CTNNA2: variants seen among roughly 807,000 people sequenced by gnomAD.
CTNNA2 encodes catenin alpha-2.
In CTNNA2, 42 loss-of-function variants were observed where a neutral mutation model predicts 101.0. The ratio of observed to expected loss-of-function variants is 0.42; its 90% CI spans 0.32 to 0.54. The LOEUF (loss-of-function observed/expected upper bound fraction) is 0.54. Among genes scored for constraint, CTNNA2 ranks in the 20% least tolerant of loss-of-function variants. CTNNA2 has a pLI of 0.14. For synonymous variants in CTNNA2, 450 were observed against 456.4 expected (o/e 0.99, Z 0.18); for missense variants, 871 against 1,223.1 (o/e 0.71, Z 4.29).
chr2:80,643,593 G>A lies in CTNNA2; in HGVS notation c.2575-3992G>A, dbSNP rs755904969. ...GATGGATATGTCTTTCTGCTGAAAA[G>A]GCCTGTCACTGTAATTCAGGTCAGC... On this transcript the variant is annotated intron_variant, in intron 18 of 18. Transcript: ENST00000402739. Among the ~76,000 whole-genome samples, 118 of 152,256 alleles carry A rather than the reference G, an allele frequency of 7.8e-4. 2 individuals are homozygous for A. In the Middle Eastern group the frequency reaches 0.01, roughly 13 times the overall value.
At chr2:79,367,326 T>A (rs1373787181) in intron 3 of CTNNA2, among the ~76,000 whole-genome samples, 1 of 152,170 alleles carries the variant, frequency 6.6e-6, no homozygotes, top group African/African-American at 2.4e-5. Context: ...AATATTTTGT[T>A]ATAGTAGTCC....
At chr2:79,332,231 A>G (rs987287552) in intron 3 of CTNNA2, among the ~76,000 whole-genome samples, 1 of 151,982 alleles carries the variant, frequency 6.6e-6, no homozygotes, top group African/African-American at 2.4e-5. Flanking sequence ...TAGTATTTAT[A>G]TACATACCAG....
At chr2:80,613,066 CAAATG>C (rs71386639) in intron 17 of CTNNA2, 4 of 150,292 alleles carry the variant, frequency 2.7e-5, no homozygotes, top group Non-Finnish European at 6.0e-5. Context: ...GAAATTGTGA[CAAATG>C]AAATGAGTAG....
chr2:79,442,637 T>C (rs554178579), intron 4 of CTNNA2, among the ~76,000 whole-genome samples: 1 of 152,312 alleles, frequency 6.6e-6, no homozygotes, highest in African/African-American at 2.4e-5. Context: ...TTAGATGCAA[T>C]AGGCAAATAT....
At chr2:79,825,699 C>A (rs1678383441) in intron 3 of CTNNA2, among the ~76,000 whole-genome samples, 1 of 151,614 alleles carries the variant, frequency 6.6e-6, no homozygotes, top group Admixed American at 6.6e-5. Flanking sequence ...AACTGGAGAT[C>A]TAAATTTAGG....
At chr2:80,243,105 AT>A (rs1671066471) in intron 7 of CTNNA2, among the ~76,000 whole-genome samples, 1 of 152,124 alleles carries the variant, frequency 6.6e-6, no homozygotes, top group East Asian at 1.9e-4. Flanking sequence ...TATTTTATGA[AT>A]TTCCTTCTTC....
intron 4 of CTNNA2, among the ~76,000 whole-genome samples, chr2:79,475,008 C>T (rs1671036192): frequency 6.6e-6 from 1 of 152,092 alleles, no homozygotes; most frequent in Non-Finnish European, 1.5e-5. Flanking sequence ...CCTTAAAGGG[C>T]CTTCTTTGTT....
intron 7 of CTNNA2, among the ~76,000 whole-genome samples, chr2:80,139,185 A>G (rs189251229): frequency 4.4e-4 from 67 of 152,196 alleles, no homozygotes; most frequent in African/African-American, 1.5e-3. Context: ...CCCCAAACCT[A>G]TGGATGTGCC....
chr2:80,519,395 T>C (rs1420716595), intron 9 of CTNNA2, among the ~76,000 whole-genome samples: 2 of 152,208 alleles, frequency 1.3e-5, no homozygotes, highest in Non-Finnish European at 2.9e-5. Context: ...TTTTGAAATC[T>C]GGTTTGGTCA....
At chr2:79,296,683 G>A (rs780826044) in intron 2 of CTNNA2, among the ~76,000 whole-genome samples, 5 of 152,142 alleles carry the variant, frequency 3.3e-5, no homozygotes, top group Non-Finnish European at 7.4e-5. Context: ...TTATAGAAAA[G>A]AGAATCTTTC....
intron 7 of CTNNA2, among the ~76,000 whole-genome samples, chr2:80,179,317 A>T (rs540463239): frequency 2.9e-4 from 44 of 152,204 alleles, no homozygotes; most frequent in Non-Finnish European, 5.4e-4. Flanking sequence ...GCCAAATAGG[A>T]GAGATGAACA....
intron 1 of CTNNA2, among the ~76,000 whole-genome samples, chr2:79,587,057 T>A (rs1676541990): frequency 6.6e-6 from 1 of 152,222 alleles, no homozygotes. Flanking sequence ...ATTTTCTTTA[T>A]CCACTCATTG....
intron 4 of CTNNA2, among the ~76,000 whole-genome samples, chr2:79,457,593 T>A (rs62157002): frequency 6.6e-6 from 1 of 152,176 alleles, no homozygotes; most frequent in African/African-American, 2.4e-5. Flanking sequence ...ATAAGGCTCA[T>A]ATGAAAAACA....
At chr2:80,336,006 A>G (rs1201922675) in intron 7 of CTNNA2, among the ~76,000 whole-genome samples, 1 of 152,176 alleles carries the variant, frequency 6.6e-6, no homozygotes, top group Non-Finnish European at 1.5e-5. Flanking sequence ...TTTATTATGA[A>G]AACTTTTTAA....
chr2:79,983,914 A>T (rs549138077), intron 7 of CTNNA2, among the ~76,000 whole-genome samples: 2 of 152,254 alleles, frequency 1.3e-5, no homozygotes, highest in East Asian at 3.9e-4. Flanking sequence ...TATAATCCAA[A>T]TTGCACTGAA....
chr2:79,269,132 T>C (rs983691907), intron 2 of CTNNA2, among the ~76,000 whole-genome samples: 1 of 152,054 alleles, frequency 6.6e-6, no homozygotes, highest in Non-Finnish European at 1.5e-5. Context: ...TGTACTGAGC[T>C]CTTATACAGC....
intron 3 of CTNNA2, among the ~76,000 whole-genome samples, chr2:79,812,414 A>G (rs763660705): frequency 1.3e-5 from 2 of 152,114 alleles, no homozygotes; most frequent in Non-Finnish European, 1.5e-5. Context: ...CTCCTATTGC[A>G]TGTTTGAGGA....
chr2:79,616,689 T>C (rs553933819), intron 1 of CTNNA2, among the ~76,000 whole-genome samples: 1 of 152,152 alleles, frequency 6.6e-6, no homozygotes, highest in African/African-American at 2.4e-5. Context: ...ACTTTTCTTC[T>C]TGTTTAGTAG....
At chr2:79,702,566 A>G (rs1247985650) in intron 2 of CTNNA2, among the ~76,000 whole-genome samples, 1 of 152,176 alleles carries the variant, frequency 6.6e-6, no homozygotes, top group Non-Finnish European at 1.5e-5. Flanking sequence ...TGATTCTGAA[A>G]GGCAATGGGG....
Sources: allele counts gnomAD v4.1 joint callset (sites outside exome capture counted in the v4.1 genomes callset), GRCh38; gene constraint gnomAD v4.1.1; transcripts MANE v1.5; gene names NCBI Gene and HGNC (gene_info 2026-07-23, HGNC 2026-07-21).